The following ZBTB20 variants were observed in gnomAD, a reference collection of about 807,000 sequenced individuals.
ZBTB20 encodes the protein zinc finger and BTB domain containing 20, also known as zinc finger and BTB domain-containing protein 20.
In ZBTB20, 9 loss-of-function variants were observed where a neutral mutation model predicts 56.9. The observed-to-expected ratio is 0.16, with a 90% CI of 0.10 to 0.28. The LOEUF (loss-of-function observed/expected upper bound fraction) is 0.28. ZBTB20 is among the 10% of genes least tolerant of loss of function. ZBTB20 has a pLI of 1.00. For missense variants in ZBTB20, 655 were observed against 1,003.0 expected (o/e 0.65, Z 4.69); for synonymous variants, 417 against 420.7 (o/e 0.99, Z 0.11).
At chr3:115,111,121 G>A (rs2083869439) in intron 1 of ZBTB20, among the ~76,000 whole-genome samples, 1 of 151,930 alleles carries the variant, frequency 6.6e-6, no homozygotes, top group Non-Finnish European at 1.5e-5. Flanking sequence ...CACTAAATAT[G>A]ATGTACTACT....
chr3:115,098,567 C>A (rs1483683487), intron 1 of ZBTB20, among the ~76,000 whole-genome samples: 1 of 152,172 alleles, frequency 6.6e-6, no homozygotes, highest in Non-Finnish European at 1.5e-5. Flanking sequence ...TTGTACTACT[C>A]TTGGTCAAAG....
chr3:114,902,804 A>G (rs1232680043), intron 3 of ZBTB20, among the ~76,000 whole-genome samples: 1 of 152,176 alleles, frequency 6.6e-6, no homozygotes, highest in Non-Finnish European at 1.5e-5. Flanking sequence ...CAAAGCAAAT[A>G]AGTTAGTTAC....
At chr3:114,933,062 T>C (rs2076412756) in intron 3 of ZBTB20, among the ~76,000 whole-genome samples, 1 of 152,070 alleles carries the variant, frequency 6.6e-6, no homozygotes, top group Non-Finnish European at 1.5e-5. Flanking sequence ...AGCCATTCTA[T>C]ACATTGCACT....
intron 2 of ZBTB20, among the ~76,000 whole-genome samples, chr3:114,996,030 A>G (rs1337609638): frequency 6.6e-6 from 1 of 151,844 alleles, no homozygotes; most frequent in African/African-American, 2.4e-5. Flanking sequence ...CAAGGATCAA[A>G]GAAGTTCCAC....
At chr3:114,951,463 A>C (rs2077064970) in intron 3 of ZBTB20, among the ~76,000 whole-genome samples, 1 of 152,142 alleles carries the variant, frequency 6.6e-6, no homozygotes, top group African/African-American at 2.4e-5. Flanking sequence ...CTGTACATGC[A>C]TGGATCTGAT....
At chr3:115,010,693 G>A (rs750224984) in intron 2 of ZBTB20, among the ~76,000 whole-genome samples, 2 of 151,920 alleles carry the variant, frequency 1.3e-5, no homozygotes. Context: ...AATAAACCCA[G>A]AAGGTGAAGA....
chr3:115,027,528 AG>A (rs1207031584), intron 2 of ZBTB20: 2 of 150,922 alleles, frequency 1.3e-5, no homozygotes, highest in Non-Finnish European at 3.0e-5. Context: ...CCATGTCCAA[AG>A]GCTTCTTGAC....
intron 7 of ZBTB20, among the ~76,000 whole-genome samples, chr3:114,407,281 G>A (rs186071412): frequency 1.9e-4 from 29 of 152,288 alleles, no homozygotes; most frequent in Middle Eastern, 6.8e-3. Context: ...GACACTTGAA[G>A]GTCTTCAGTT....
chr3:114,518,966 A>C (rs1412105523), intron 6 of ZBTB20: 1 of 152,202 alleles, frequency 6.6e-6, no homozygotes, highest in African/African-American at 2.4e-5. Flanking sequence ...AATAGGGCCA[A>C]AGTTATGAAA....
intron 10 of ZBTB20, among the ~76,000 whole-genome samples, chr3:114,374,379 C>A (rs148578851): frequency 2.0e-5 from 3 of 152,182 alleles, no homozygotes; most frequent in South Asian, 4.1e-4. Context: ...TTAACTGATA[C>A]GGAATTTATT....
chr3:114,764,935 C>T (rs926635806), intron 5 of ZBTB20, among the ~76,000 whole-genome samples: 3 of 152,044 alleles, frequency 2.0e-5, no homozygotes, highest in Non-Finnish European at 2.9e-5. Flanking sequence ...AATTTGGAAC[C>T]AATTTATTCT....
At chr3:114,486,856 G>A (rs1200832617) in intron 7 of ZBTB20, among the ~76,000 whole-genome samples, 3 of 152,158 alleles carry the variant, frequency 2.0e-5, no homozygotes, top group Non-Finnish European at 2.9e-5. Flanking sequence ...CTGTTTAGAT[G>A]AATATCTTGA....
At chr3:114,714,121 A>G (rs1318351593) in intron 5 of ZBTB20, 1 of 152,594 alleles carries the variant, frequency 6.6e-6, no homozygotes, top group Non-Finnish European at 1.5e-5. Context: ...GCAGGAAAGG[A>G]AAGCTATCAT....
intron 3 of ZBTB20, among the ~76,000 whole-genome samples, chr3:114,958,559 C>T (rs759257063): frequency 4.6e-5 from 7 of 152,024 alleles, no homozygotes; most frequent in Non-Finnish European, 8.8e-5. Flanking sequence ...AAATAATAGG[C>T]ATTTTGGGCT....
At chr3:114,562,251 G>A (rs1323718472) in intron 6 of ZBTB20, among the ~76,000 whole-genome samples, 1 of 150,342 alleles carries the variant, frequency 6.7e-6, no homozygotes, top group Non-Finnish European at 1.5e-5. Flanking sequence ...TGCAACCTCC[G>A]CCTCCCAGGT....
intron 3 of ZBTB20, among the ~76,000 whole-genome samples, chr3:114,948,085 C>A (rs2076944059): frequency 6.9e-6 from 1 of 145,446 alleles, no homozygotes; most frequent in South Asian, 2.1e-4. Flanking sequence ...AAATCAAATT[C>A]TCTATGAAAA....
At position 114,319,333 on chromosome 3, in the gene ZBTB20, C is replaced by T. The variant is rs1409420206; in HGVS notation, c.*19672G>A. On this transcript the variant is annotated 3_prime_UTR_variant, in exon 12 of 12. Transcript: ENST00000675478. ...TTTTTTTCCTCTCCTAAACATTAAC[C>T]TTCAGTCTAGGGCACAATTATTTAT... The T allele has an allele frequency of 6.6e-6, 1 of 151,854 alleles. No homozygotes were observed. Among genetic ancestry groups the T allele is most frequent in the East Asian group, 1.9e-4 (1 of 5,184 alleles). The allele number at this position is 151,854 out of a possible 1,614,324, so 9.4% of individuals were successfully genotyped here.
At chr3:115,086,076 G>T (rs1255599255) in intron 1 of ZBTB20, among the ~76,000 whole-genome samples, 6 of 151,776 alleles carry the variant, frequency 4.0e-5, no homozygotes, top group Non-Finnish European at 7.4e-5. Flanking sequence ...CTTTGGTAGG[G>T]CATTTTAATT....
At position 114,747,787 on chromosome 3, in the gene ZBTB20, G is replaced by A. The variant is rs1229883780; in HGVS notation, c.-343+53314C>T. Among the ~76,000 whole-genome samples the A allele has an allele frequency of 1.9e-4, 2 of 10,798 alleles. 1 individual carries two copies. The highest frequency in any genetic ancestry group is 2.0e-4 in the African/African-American group (2 of 10,000). 7.1% of individuals were successfully genotyped at this position (10,798 alleles called of 152,430 possible). On this transcript the variant is annotated intron_variant, in intron 5 of 11. Coordinates refer to ENST00000675478, the MANE Select transcript of ZBTB20 (RefSeq NM_001348800.3). ...CAAAAAATTAGCCGGGCGAGGTGGC[G>A]GGCGCCTGTAGTCCCAGCTACTCGG...
Sources: allele counts gnomAD v4.1 joint callset (sites outside exome capture counted in the v4.1 genomes callset), GRCh38; gene constraint gnomAD v4.1.1; transcripts MANE v1.5; gene names NCBI Gene and HGNC (gene_info 2026-07-23, HGNC 2026-07-21).